The following TJP2 variants were observed in gnomAD, a reference collection of about 807,000 sequenced individuals.
The protein encoded by TJP2 is tight junction protein 2.
Under a neutral mutation model 133.1 loss-of-function variants are expected in TJP2, and 91 were observed. The ratio of observed to expected loss-of-function variants is 0.68; its 90% confidence interval spans 0.58 to 0.81. The LOEUF is 0.81. Ranked by LOEUF, TJP2 falls within the 40% of genes least tolerant of loss-of-function variation. The pLI, the probability that TJP2 is intolerant of heterozygous loss-of-function variation, is 0.00. For synonymous variants in TJP2, 592 were observed against 583.4 expected (o/e 1.01, Z -0.21); for missense variants, 1,541 against 1,565.6 (o/e 0.98, Z 0.26).
chr9:69,200,800 A>AGG (rs1456544081), intron 1 of TJP2, among the ~76,000 whole-genome samples: 1 of 152,064 alleles, frequency 6.6e-6, no homozygotes, highest in African/African-American at 2.4e-5. Context: ...TTCCCACCCC[A>AGG]GGGCCTTTGC....
At chr9:69,206,409 T>C (rs1827410795) in intron 1 of TJP2, among the ~76,000 whole-genome samples, 1 of 152,138 alleles carries the variant, frequency 6.6e-6, no homozygotes, top group Non-Finnish European at 1.5e-5. Context: ...CTCCTTCCAG[T>C]TGAAATTATT....
At chr9:69,169,756 C>A (rs1173158524), upstream of TJP2, among the ~76,000 whole-genome samples, 1 of 152,030 alleles carries the variant, frequency 6.6e-6, no homozygotes, top group Non-Finnish European at 1.5e-5. Context: ...TATACACACA[C>A]ACAGATATGT....
upstream of TJP2, among the ~76,000 whole-genome samples, chr9:69,172,875 A>T (rs1324120019): frequency 3.3e-5 from 5 of 152,152 alleles, no homozygotes; most frequent in African/African-American, 1.2e-4. Flanking sequence ...GCCTGGCCAG[A>T]TTTGGGAAAC....
chr9:69,130,517 TC>T lies in TJP2; in HGVS notation c.-131+8793del, dbSNP rs538745718. Among the ~76,000 whole-genome samples, 3 of 152,120 alleles carry T rather than the reference TC, an allele frequency of 2.0e-5. No individual in the cohort carries two copies. In the South Asian group the frequency reaches 6.2e-4, roughly 32 times the overall value. Reference sequence around the variant, plus strand: ...TGGGGCGGGGGCTCAAGAATCTGTGTCTCTAACGAGTGCCCACCCAGGTCAT... The same window carrying T: ...TGGGGCGGGGGCTCAAGAATCTGTGTTCTAACGAGTGCCCACCCAGGTCAT... On this transcript the variant is annotated intron_variant, in intron 1 of 5. Transcript: ENST00000423935.
intron 11 of TJP2, among the ~76,000 whole-genome samples, chr9:69,232,314 G>T (rs969421694): frequency 6.6e-6 from 1 of 152,180 alleles, no homozygotes; most frequent in African/African-American, 2.4e-5. Flanking sequence ...GTTTGCCTAC[G>T]AGGGCGGAGA....
At position 69,230,354 on chromosome 9, in the gene TJP2, T is replaced by A. The variant is rs965383440; in HGVS notation, c.1671+122T>A. 2.4e-6 allele frequency: 3 copies of A among 1,268,004 alleles called. No individual in the cohort carries two copies. The African/African-American group carries it at 4.4e-5, about 19-fold the overall frequency. The allele number at this position is 1,268,004 out of a possible 1,614,324, so 78.5% of individuals were successfully genotyped here. Reference sequence around the variant, plus strand: ...TGAAATAGAGCAGCTGCAAGTTTGTTGATGCCCAGCATTGAAGTCTCTGTA... The same window carrying A: ...TGAAATAGAGCAGCTGCAAGTTTGTAGATGCCCAGCATTGAAGTCTCTGTA... On this transcript the variant is annotated intron_variant, in intron 11 of 22. Transcript: ENST00000377245.
At chr9:69,159,611 G>A (rs1240525760) in intron 2 of TJP2, among the ~76,000 whole-genome samples, 1 of 152,086 alleles carries the variant, frequency 6.6e-6, no homozygotes, top group Non-Finnish European at 1.5e-5. Context: ...GGGTACAGTG[G>A]CTCACGCCTG....
intron 15 of TJP2, 80 bp downstream of exon 15, chr9:69,238,053 C>T: frequency 4.2e-6 from 4 of 947,710 alleles, no homozygotes; most frequent in East Asian, 5.1e-5. Flanking sequence ...GAATCATGAA[C>T]ACCCACGTAC....
At chr9:69,216,547 T>C (rs1180381663) in intron 3 of TJP2, 84 bp downstream of exon 3, 1 of 1,468,154 alleles carries the variant, frequency 6.8e-7, no homozygotes. Context: ...GTCCACTTTA[T>C]TTAAAAAAAA....
intron 17 of TJP2, among the ~76,000 whole-genome samples, chr9:69,244,159 G>A (rs1246588124): frequency 6.8e-6 from 1 of 148,100 alleles, no homozygotes; most frequent in Non-Finnish European, 1.5e-5. Flanking sequence ...ACTCCAGCCT[G>A]GGCGACAATG....
At chr9:69,237,997 T>C (rs766232655) in intron 15 of TJP2, 24 bp downstream of exon 15, 33 of 1,574,160 alleles carry the variant, frequency 2.1e-5, no homozygotes, top group African/African-American at 6.8e-5. Flanking sequence ...TGTTTTTTTT[T>C]CCCCCAAATT....
At chr9:69,201,238 C>T (rs1364347686) in intron 1 of TJP2, among the ~76,000 whole-genome samples, 1 of 152,166 alleles carries the variant, frequency 6.6e-6, no homozygotes, top group Non-Finnish European at 1.5e-5. Flanking sequence ...TCCTTAAACC[C>T]ATAAGCTCTT....
chr9:69,193,029 C>A (rs1363046178), intron 1 of TJP2, among the ~76,000 whole-genome samples: 2 of 151,632 alleles, frequency 1.3e-5, no homozygotes, highest in Non-Finnish European at 2.9e-5. Context: ...TGTCCTCTCA[C>A]CTCAATCTCC....
At chr9:69,221,527 C>T (rs200891491) in intron 5 of TJP2, 31 bp downstream of exon 5, 148 of 1,591,060 alleles carry the variant, frequency 9.3e-5, no homozygotes, top group Non-Finnish European at 1.2e-4. Flanking sequence ...AAGAAAAGCA[C>T]TGTTGTGATA....
intron 1 of TJP2, among the ~76,000 whole-genome samples, chr9:69,211,428 C>A (rs1179112511): frequency 6.6e-6 from 1 of 152,166 alleles, no homozygotes; most frequent in African/African-American, 2.4e-5. Context: ...TATTTAAAGT[C>A]TTTGATTCTT....
In TJP2 at chr9:69,254,460, G is replaced by C; in HGVS notation, c.*86G>C. On this transcript the variant is annotated 3_prime_UTR_variant, in exon 23 of 23. Transcript: ENST00000377245. Reference sequence around the variant, plus strand: ...AGGCCGCCGGGATGGTTCTTCTCCAGTTAGAATGCACCATGGAGACGTGGT... The same window carrying C: ...AGGCCGCCGGGATGGTTCTTCTCCACTTAGAATGCACCATGGAGACGTGGT... 1 of 1,556,294 alleles carries C rather than the reference G, an allele frequency of 6.4e-7. No individual in the cohort carries two copies. Among genetic ancestry groups the C allele is most frequent in the South Asian group, 1.1e-5 (1 of 89,352 alleles).
intron 1 of TJP2, among the ~76,000 whole-genome samples, chr9:69,181,240 CTTTTTTTTTTT>C (rs149100552): frequency 5.5e-5 from 4 of 73,186 alleles, no homozygotes; most frequent in East Asian, 8.7e-4. Flanking sequence ...TTTGCAATTT[CTTTTTTTTTTT>C]TTTTTTTTTT....
At chr9:69,174,621 C>T (rs1419812713) in intron 1 of TJP2, among the ~76,000 whole-genome samples, 189 bp downstream of exon 1, 3 of 152,190 alleles carry the variant, frequency 2.0e-5, no homozygotes, top group East Asian at 1.9e-4. Flanking sequence ...TGACTCGTGG[C>T]CTCCGGGGCT....
intron 5 of TJP2, among the ~76,000 whole-genome samples, chr9:69,223,034 A>G (rs1588098804): frequency 8.0e-6 from 1 of 125,702 alleles, no homozygotes; most frequent in African/African-American, 3.0e-5. Flanking sequence ...ATGTCACTGC[A>G]CTCCAGCCTG....
Sources: gnomAD v4.1 joint callset for allele counts (sites outside exome capture counted in the v4.1 genomes callset) on GRCh38, gnomAD v4.1.1 for gene constraint, MANE v1.5 for transcripts, NCBI Gene and HGNC (gene_info 2026-07-23, HGNC 2026-07-21) for gene names.